PAIP1: variants seen among roughly 807,000 people sequenced by gnomAD.
PAIP1 encodes polyadenylate-binding protein-interacting protein 1.
PAIP1 carries 16 observed loss-of-function variants against 61.3 expected under a neutral mutation model. The observed-to-expected ratio is 0.26, with a 90% CI of 0.18 to 0.40. The LOEUF (loss-of-function observed/expected upper bound fraction) is 0.40, where lower values mean the gene tolerates loss of function less well. Ranked by LOEUF, PAIP1 falls within the 10% of genes least tolerant of loss-of-function variation. The pLI is 1.00. For synonymous variants in PAIP1, 187 were observed against 226.2 expected (o/e 0.83, Z 1.56); for missense variants, 416 against 600.9 (o/e 0.69, Z 3.22).
chr5:43,532,551 T>C (rs1053144890), intron 9 of PAIP1, among the ~76,000 whole-genome samples: 1 of 152,152 alleles, frequency 6.6e-6, no homozygotes, highest in East Asian at 1.9e-4. Flanking sequence ...GAACAATGAT[T>C]TTTAGAAGAA....
In PAIP1 at chr5:43,556,577, C is replaced by T. The variant is rs544492134; in HGVS notation, c.265+5G>A. On this transcript the variant is annotated splice_donor_5th_base_variant and intron_variant, in intron 1 of 10. Transcript: ENST00000306846. ...AGGACTGGGGCCCTTAGAGCTGCTC[C>T]GTACCTGGGAGCGCCCCGGGCCGGG... 1 of 1,251,886 alleles carries T rather than the reference C, an allele frequency of 8.0e-7. No individual in the cohort carries two copies. The highest frequency in any genetic ancestry group is 1.6e-5 in the African/African-American group (1 of 64,410). The allele number at this position is 1,251,886 out of a possible 1,614,324, so 77.5% of individuals were successfully genotyped here. A position where few individuals can be genotyped will look rare whatever the true frequency, so the allele number is the denominator to read the frequency against.
At chr5:43,541,228 C>A in intron 4 of PAIP1, among the ~76,000 whole-genome samples, 1 of 139,478 alleles carries the variant, frequency 7.2e-6, no homozygotes. Flanking sequence ...GGGTTCACGC[C>A]ATTCTCCTGC....
At position 43,543,723 on chromosome 5, in the gene PAIP1, A is replaced by G. The variant is rs550786707; in HGVS notation, c.622-607T>C. Among the ~76,000 whole-genome samples the G allele has an allele frequency of 2.2e-3, 336 of 152,292 alleles. 2 individuals carry two copies. Among genetic ancestry groups the G allele is most frequent in the African/African-American group, 7.7e-3 (318 of 41,556 alleles). On this transcript the variant is annotated intron_variant, in intron 3 of 10. Coordinates refer to ENST00000306846, the MANE Select transcript of PAIP1 (RefSeq NM_006451.5). The stretch of plus-strand genomic sequence containing the variant: ...CAGAAAAAAAAAAAAGTAAGAAAAC[A>G]CTACACATCAAAGATTGTTGATATA...
chr5:43,543,185 C>G (rs1747485141), intron 3 of PAIP1, 69 bp from the exon 4 acceptor site: 3 of 735,506 alleles, frequency 4.1e-6, no homozygotes, highest in Admixed American at 2.4e-5. Context: ...TTAACAGCAA[C>G]ATTCTAAAGA....
chr5:43,530,994 T>C (rs969023676), intron 9 of PAIP1, among the ~76,000 whole-genome samples: 3 of 152,118 alleles, frequency 2.0e-5, no homozygotes, highest in Admixed American at 6.5e-5. Flanking sequence ...AGGTCTGGTA[T>C]CTTAAACAAA....
chr5:43,531,656 CAAAAAAAAAA>C (rs369954867), intron 9 of PAIP1, among the ~76,000 whole-genome samples: 1 of 59,868 alleles, frequency 1.7e-5, no homozygotes, highest in Non-Finnish European at 3.4e-5. Flanking sequence ...GACTCTGTCT[CAAAAAAAAAA>C]AAAAAAAAAA....
Position 43,556,763 on chromosome 5 carries a change from G to A in PAIP1, c.84C>T (p.Gly28=), listed in dbSNP as rs1419050573. Residue 28 remains glycine (G), a synonymous_variant, in exon 1 of 11, where the codon GGC becomes GGT. Transcript: ENST00000306846. ...GLGRGGGGPE[G]GGFPNGAGPA... is the part of the protein sequence containing the mutation. ...GCCCCGCTCCGTTCGGGAAACCGCCGCCCTCAGGCCCGCCCCCTCCGCGGC... is the reference window on the plus strand; with the variant it reads ...GCCCCGCTCCGTTCGGGAAACCGCCACCCTCAGGCCCGCCCCCTCCGCGGC... The A allele has an allele frequency of 1.4e-6, 2 of 1,419,682 alleles. No homozygotes were observed. Among genetic ancestry groups the A allele is most frequent in the Non-Finnish European group, 1.8e-6 (2 of 1,090,672 alleles). 87.9% of individuals were successfully genotyped at this position (1,419,682 alleles called of 1,614,324 possible).
At chr5:43,541,842 C>G (rs936089364) in intron 4 of PAIP1, among the ~76,000 whole-genome samples, 1 of 151,744 alleles carries the variant, frequency 6.6e-6, no homozygotes, top group Non-Finnish European at 1.5e-5. Flanking sequence ...TAATTTCAAA[C>G]ACTGATTCTA....
chr5:43,533,576 T>C (rs1747028172), intron 9 of PAIP1, among the ~76,000 whole-genome samples, 162 bp downstream of exon 9: 1 of 152,254 alleles, frequency 6.6e-6, no homozygotes, highest in South Asian at 2.1e-4. Flanking sequence ...AAGTGGTCAC[T>C]ATGAAGAGCA....
chr5:43,537,925 C>T (rs1747218167), intron 5 of PAIP1, among the ~76,000 whole-genome samples: 2 of 137,886 alleles, frequency 1.5e-5, no homozygotes, highest in Admixed American at 8.2e-5. Context: ...ACCCGGGAGG[C>T]GGAGGTTGTA....
chr5:43,550,837 C>CAAAAAAAAAAAAAAAAAAAAAAAAAAAA (rs373730839), intron 2 of PAIP1, among the ~76,000 whole-genome samples: 10 of 49,558 alleles, frequency 2.0e-4, no homozygotes, highest in Admixed American at 3.0e-4. Flanking sequence ...AAATATACTA[C>CAAAAAAAAAAAAAAAAAAAAAAAAAAAA]AAAAAAAAAA....
intron 3 of PAIP1, among the ~76,000 whole-genome samples, chr5:43,544,315 T>C (rs1214456941): frequency 6.6e-6 from 1 of 152,182 alleles, no homozygotes; most frequent in Non-Finnish European, 1.5e-5. Context: ...GGCCAGTATA[T>C]GTCACATTAA....
chr5:43,530,127 C>G (rs576896158), intron 9 of PAIP1, among the ~76,000 whole-genome samples: 2 of 152,282 alleles, frequency 1.3e-5, no homozygotes, highest in South Asian at 4.1e-4. Context: ...GGTTATATAA[C>G]TGTTGGGGAA....
intron 3 of PAIP1, among the ~76,000 whole-genome samples, chr5:43,547,069 A>AAAAG (rs1747666773): frequency 4.0e-5 from 6 of 149,050 alleles, no homozygotes; most frequent in South Asian, 2.1e-4. Context: ...AAAAAAAAAA[A>AAAAG]GCGTTAATAT....
chr5:43,557,050 C>T lies in PAIP1; in HGVS notation c.-204G>A, dbSNP rs1748129015. 3 of 940,558 alleles carry T rather than the reference C, an allele frequency of 3.2e-6. No individual in the cohort carries two copies. The highest frequency in any genetic ancestry group is 8.9e-5 in the South Asian group (2 of 22,528). The allele number at this position is 940,558 out of a possible 1,614,324, so 58.3% of individuals were successfully genotyped here. A position where few individuals can be genotyped will look rare whatever the true frequency, so the allele number is the denominator to read the frequency against. ...CGAGCACCCGCCGCTCCAGAGCGCC[C>T]GCCCCGCTCGGCTACCCTCGGCTTT... On this transcript the variant is annotated 5_prime_UTR_variant, in exon 1 of 11. Coordinates refer to ENST00000306846, the MANE Select transcript of PAIP1 (RefSeq NM_006451.5).
At chr5:43,545,965 G>T (rs1747620053) in intron 3 of PAIP1, among the ~76,000 whole-genome samples, 1 of 151,906 alleles carries the variant, frequency 6.6e-6, no homozygotes, top group South Asian at 2.1e-4. Flanking sequence ...TAGAGACAGG[G>T]TTTCTCCATG....
intron 4 of PAIP1, among the ~76,000 whole-genome samples, chr5:43,541,396 C>T: frequency 6.8e-6 from 1 of 146,042 alleles, no homozygotes; most frequent in Non-Finnish European, 1.5e-5. Context: ...TCGTGAGCCG[C>T]CCACCTCAGC....
intron 1 of PAIP1, 109 bp downstream of exon 1, chr5:43,556,473 G>A (rs1300989358): frequency 8.3e-7 from 1 of 1,202,620 alleles, no homozygotes; most frequent in Non-Finnish European, 1.0e-6. Context: ...AATGCTTTCG[G>A]GGAACCGGGG....
intron 3 of PAIP1, among the ~76,000 whole-genome samples, chr5:43,546,272 C>T (rs1747632370): frequency 6.6e-6 from 1 of 152,222 alleles, no homozygotes; most frequent in Non-Finnish European, 1.5e-5. Flanking sequence ...ACCCTTTGTC[C>T]AGCCCTGAAT....
Sources: allele counts gnomAD v4.1 joint callset (sites outside exome capture counted in the v4.1 genomes callset), GRCh38; gene constraint gnomAD v4.1.1; transcripts MANE v1.5; gene names NCBI Gene and HGNC (gene_info 2026-07-23, HGNC 2026-07-21).